Variants in WDR19 observed in about 807,000 individuals in gnomAD.
The protein encoded by WDR19 is WD repeat-containing protein 19.
WDR19 carries 121 observed loss-of-function variants against 180.0 expected under a neutral mutation model. The observed-to-expected ratio is 0.67, with a 90% CI of 0.58 to 0.78. WDR19 has a LOEUF of 0.78. Among genes scored for constraint, WDR19 ranks in the 30% least tolerant of loss-of-function variants. The probability of loss-of-function intolerance (pLI) is 0.00; values close to 1 mark genes in which losing one functional copy is unlikely to be tolerated. For missense variants in WDR19, 1,450 were observed against 1,640.7 expected, an observed-to-expected ratio of 0.88 and a Z score of 2.01; for synonymous variants, 497 against 540.7, an observed-to-expected ratio of 0.92 and a Z score of 1.12.
intron 14 of WDR19, among the ~76,000 whole-genome samples, chr4:39,220,241 AAAAC>A (rs1468756345): frequency 6.6e-6 from 1 of 152,130 alleles, no homozygotes; most frequent in Non-Finnish European, 1.5e-5. Flanking sequence ...AACAAACAAA[AAAAC>A]AAAAAACAAT....
chr4:39,205,614 C>T lies in WDR19; in HGVS notation c.768C>T (p.Val256=), dbSNP rs756119719. The T allele has an allele frequency of 1.9e-5, 31 of 1,613,078 alleles. No individual in the cohort carries two copies. In the South Asian group the frequency reaches 3.0e-4, roughly 15 times the overall value. The part of the protein sequence containing the change: ...MIGFSCGHFV[V]ISTHTGELGQ... ...GTTTTTCATGTGGACATTTTGTGGT[C>T]ATTTCTACTCATACTGGAGAGCTTG... The change falls in exon 9 of 37, where the codon GTC becomes GTT. Residue 256 remains valine (V), a synonymous_variant. Transcript: ENST00000399820.
intron 20 of WDR19, among the ~76,000 whole-genome samples, chr4:39,236,499 G>C (rs1382944212): frequency 6.6e-6 from 1 of 152,140 alleles, no homozygotes; most frequent in East Asian, 1.9e-4. Context: ...CCAAAAGGTG[G>C]GAGGGTGGAT....
At chr4:39,268,817 A>G (rs1455524355) in intron 30 of WDR19, among the ~76,000 whole-genome samples, 1 of 152,214 alleles carries the variant, frequency 6.6e-6, no homozygotes, top group Non-Finnish European at 1.5e-5. Context: ...GACAGAAAGT[A>G]AATTCAGAGT....
chr4:39,236,371 C>A (rs919645162), intron 20 of WDR19, among the ~76,000 whole-genome samples: 2 of 152,048 alleles, frequency 1.3e-5, no homozygotes, highest in African/African-American at 4.8e-5. Context: ...ATGGGTGGAA[C>A]TGGAGGCCAA....
chr4:39,279,471 A>G (rs1484351240), intron 36 of WDR19, among the ~76,000 whole-genome samples: 1 of 152,114 alleles, frequency 6.6e-6, no homozygotes, highest in Non-Finnish European at 1.5e-5. Flanking sequence ...TTTTTATTGC[A>G]CCTGCAAAAA....
chr4:39,196,030 G>C (rs1485985609), intron 5 of WDR19, among the ~76,000 whole-genome samples: 1 of 152,238 alleles, frequency 6.6e-6, no homozygotes, highest in South Asian at 2.1e-4. Context: ...GGAGGAGGAG[G>C]AAGAAGAGAT....
chr4:39,201,166 G>T (rs574527215), intron 6 of WDR19, among the ~76,000 whole-genome samples: 2 of 152,060 alleles, frequency 1.3e-5, no homozygotes, highest in South Asian at 2.1e-4. Flanking sequence ...CGAGTCTCAG[G>T]TTCCTTCCAT....
intron 5 of WDR19, among the ~76,000 whole-genome samples, chr4:39,196,568 G>T (rs1401139696): frequency 6.6e-6 from 1 of 152,062 alleles, no homozygotes; most frequent in Non-Finnish European, 1.5e-5. Context: ...CATCTCTACT[G>T]CTGCCACCAT....
At chr4:39,257,388 A>T in intron 27 of WDR19, 98 bp from the exon 28 acceptor site, 1 of 1,134,032 alleles carries the variant, frequency 8.8e-7, no homozygotes, top group Non-Finnish European at 1.3e-6. Context: ...ATACTTTCAC[A>T]GACTGTAATT....
At chr4:39,236,090 C>A (rs1284891501) in intron 20 of WDR19, among the ~76,000 whole-genome samples, 1 of 152,086 alleles carries the variant, frequency 6.6e-6, no homozygotes, top group African/African-American at 2.4e-5. Context: ...TCTCAAAGAA[C>A]TAAAACTAGA....
At chr4:39,274,748 C>T (rs1332504817) in intron 32 of WDR19, 60 bp from the exon 33 acceptor site, 1 of 1,578,212 alleles carries the variant, frequency 6.3e-7, no homozygotes, top group Non-Finnish European at 8.6e-7. Context: ...TGGAATCCCG[C>T]CTGTATCACT....
At chr4:39,265,937 G>A (rs1734745412) in intron 28 of WDR19, 126 bp from the exon 29 acceptor site, 2 of 719,836 alleles carry the variant, frequency 2.8e-6, no homozygotes, top group African/African-American at 3.5e-5. Context: ...TCATATTTCA[G>A]GCACTTTACT....
At chr4:39,224,856 T>G in intron 14 of WDR19, 28 bp from the exon 15 acceptor site, 3 of 1,486,140 alleles carry the variant, frequency 2.0e-6, no homozygotes, top group Non-Finnish European at 2.7e-6. Context: ...TTTTATATTT[T>G]CATGGCTGGA....
intron 9 of WDR19, among the ~76,000 whole-genome samples, chr4:39,207,864 C>A (rs1413143894): frequency 6.6e-6 from 1 of 151,830 alleles, no homozygotes; most frequent in African/African-American, 2.4e-5. Context: ...CTTTTGAGAT[C>A]TTTAACGTAT....
intron 19 of WDR19, 95 bp from the exon 20 acceptor site, chr4:39,234,670 AG>A (rs1027350397): frequency 2.0e-4 from 148 of 752,624 alleles, no homozygotes; most frequent in African/African-American, 8.4e-4. Flanking sequence ...TTAAACAAAA[AG>A]GTTTTGTAAT....
chr4:39,205,429 A>G (rs1727843978), intron 8 of WDR19, 134 bp from the exon 9 acceptor site: 6 of 1,203,744 alleles, frequency 5.0e-6, no homozygotes, highest in Admixed American at 2.7e-5. Context: ...TACCTAGTAT[A>G]TTATCTGACA....
intron 21 of WDR19, 148 bp from the exon 22 acceptor site, chr4:39,244,100 T>G: frequency 1.1e-6 from 1 of 942,554 alleles, no homozygotes; most frequent in Non-Finnish European, 1.4e-6. Context: ...AAGTCTCAAG[T>G]GTTATTTTAA....
intron 14 of WDR19, among the ~76,000 whole-genome samples, chr4:39,220,559 G>GC (rs1491452795): frequency 2.5e-5 from 1 of 39,804 alleles, no homozygotes; most frequent in Non-Finnish European, 4.9e-5. Context: ...AGACCTCCTT[G>GC]ATTTTTTTTT....
intron 9 of WDR19, among the ~76,000 whole-genome samples, chr4:39,212,121 C>T (rs1224159589): frequency 2.6e-5 from 4 of 152,048 alleles, no homozygotes; most frequent in Non-Finnish European, 5.9e-5. Flanking sequence ...GTATCATTGG[C>T]AGAGGAAAAG....
Sources: gnomAD v4.1 joint callset for allele counts (sites outside exome capture counted in the v4.1 genomes callset) on GRCh38, gnomAD v4.1.1 for gene constraint, MANE v1.5 for transcripts, NCBI Gene and HGNC (gene_info 2026-07-23, HGNC 2026-07-21) for gene names.